The following NDST4 variants were observed in gnomAD, a reference collection of about 807,000 sequenced individuals.
NDST4 encodes N-heparan sulfate sulfotransferase 4.
In NDST4, 63 loss-of-function variants were observed where a neutral mutation model predicts 100.8. The ratio of observed to expected loss-of-function variants is 0.62; its 90% CI spans 0.51 to 0.77. NDST4 has a LOEUF of 0.77. NDST4 is among the 30% of genes least tolerant of loss of function. The pLI is 0.00. For synonymous variants in NDST4, 377 were observed against 361.8 expected, an observed-to-expected ratio of 1.04 and a Z score of -0.48; for missense variants, 943 against 1,018.4, an observed-to-expected ratio of 0.93 and a Z score of 1.01.
intron 2 of NDST4, among the ~76,000 whole-genome samples, chr4:114,982,945 T>G (rs948711734): frequency 2.6e-5 from 4 of 152,166 alleles, no homozygotes; most frequent in Admixed American, 6.5e-5. Context: ...AAGGTACAGC[T>G]CACGTTGTGG....
At chr4:115,078,617 G>A (rs888429281) in intron 1 of NDST4, among the ~76,000 whole-genome samples, 1 of 152,036 alleles carries the variant, frequency 6.6e-6, no homozygotes, top group South Asian at 2.1e-4. Context: ...GTGGTGGGTG[G>A]ATCACGAGGT....
intron 2 of NDST4, among the ~76,000 whole-genome samples, chr4:114,990,954 G>A (rs1727023797): frequency 6.6e-6 from 1 of 151,934 alleles, no homozygotes; most frequent in Non-Finnish European, 1.5e-5. Context: ...TTGCTCTAAG[G>A]CCTGAACACT....
intron 1 of NDST4, among the ~76,000 whole-genome samples, chr4:115,107,192 T>C (rs531520133): frequency 4.8e-4 from 73 of 152,120 alleles, no homozygotes; most frequent in South Asian, 1.7e-3. Flanking sequence ...ATAAATAGCA[T>C]TGAATTTCAG....
intron 1 of NDST4, among the ~76,000 whole-genome samples, chr4:115,112,213 A>C (rs1189828772): frequency 4.0e-5 from 6 of 151,674 alleles, no homozygotes; most frequent in Non-Finnish European, 8.8e-5. Context: ...AAAAAAAAAA[A>C]AACCTTTACA....
At chr4:114,983,598 C>A (rs184665109) in intron 2 of NDST4, among the ~76,000 whole-genome samples, 1 of 152,250 alleles carries the variant, frequency 6.6e-6, no homozygotes, top group African/African-American at 2.4e-5. Context: ...GATTTTACAG[C>A]CTCATAGGCA....
At chr4:115,082,518 T>C (rs1233816292) in intron 1 of NDST4, among the ~76,000 whole-genome samples, 1 of 152,126 alleles carries the variant, frequency 6.6e-6, no homozygotes, top group African/African-American at 2.4e-5. Flanking sequence ...GTTTCTTTGT[T>C]GAAGGTGATC....
At chr4:114,862,172 T>C (rs1461625845) in intron 7 of NDST4, among the ~76,000 whole-genome samples, 1 of 152,168 alleles carries the variant, frequency 6.6e-6, no homozygotes, top group Non-Finnish European at 1.5e-5. Flanking sequence ...TTTGGATATA[T>C]GTTTGAAAAC....
At chr4:114,867,665 C>CAAAAAAAAAAAAAAAAAAAAAGAA in intron 7 of NDST4, among the ~76,000 whole-genome samples, 49 of 79,830 alleles carry the variant, frequency 6.1e-4, no homozygotes, top group Non-Finnish European at 7.9e-4. Context: ...AAAAAAAAAG[C>CAAAAAAAAAAAAAAAAAAAAAGAA]AAAAAAAAAA....
intron 2 of NDST4, among the ~76,000 whole-genome samples, chr4:114,996,091 G>T (rs1438144712): frequency 6.6e-6 from 1 of 151,952 alleles, no homozygotes; most frequent in Non-Finnish European, 1.5e-5. Context: ...ATATGGTTTG[G>T]CTCTGTATCC....
chr4:114,966,470 A>G (rs1045112956), intron 4 of NDST4, among the ~76,000 whole-genome samples: 4 of 150,902 alleles, frequency 2.7e-5, no homozygotes, highest in Non-Finnish European at 4.5e-5. Context: ...CTACTCAGAT[A>G]GATTGTATTT....
At chr4:114,952,065 G>A (rs1726001299) in intron 4 of NDST4, among the ~76,000 whole-genome samples, 1 of 152,122 alleles carries the variant, frequency 6.6e-6, no homozygotes, top group Admixed American at 6.6e-5. Context: ...AAGAATTGGA[G>A]TTCTTATAGT....
intron 2 of NDST4, among the ~76,000 whole-genome samples, chr4:114,986,311 G>A (rs573035514): frequency 1.3e-5 from 2 of 152,156 alleles, no homozygotes; most frequent in African/African-American, 2.4e-5. Context: ...AACACTCCAC[G>A]TGTCTTTGAC....
At chr4:114,880,902 C>T (rs1054022073) in intron 6 of NDST4, among the ~76,000 whole-genome samples, 6 of 151,994 alleles carry the variant, frequency 3.9e-5, no homozygotes, top group Admixed American at 1.3e-4. Context: ...AGAATCTTCA[C>T]GTGAGACAAT....
At chr4:114,896,903 A>G (rs1244536919) in intron 6 of NDST4, among the ~76,000 whole-genome samples, 1 of 152,018 alleles carries the variant, frequency 6.6e-6, no homozygotes, top group Non-Finnish European at 1.5e-5. Flanking sequence ...CTTCCTTATT[A>G]TTATTTCTTA....
chr4:114,896,421 A>G (rs1724713627), intron 6 of NDST4, among the ~76,000 whole-genome samples: 1 of 151,964 alleles, frequency 6.6e-6, no homozygotes, highest in Admixed American at 6.6e-5. Flanking sequence ...CAAGAGATTG[A>G]GACCATCCTG....
intron 3 of NDST4, among the ~76,000 whole-genome samples, chr4:114,972,669 A>G (rs77985638): frequency 1.3e-5 from 2 of 152,076 alleles, no homozygotes; most frequent in African/African-American, 4.8e-5. Flanking sequence ...TATGTCACAT[A>G]TGATGAAAGA....
At chr4:114,839,011 T>C (rs1274616436) in intron 11 of NDST4, among the ~76,000 whole-genome samples, 4 of 152,154 alleles carry the variant, frequency 2.6e-5, no homozygotes, top group African/African-American at 7.2e-5. Context: ...AGTTGTTGTC[T>C]AACTGGCTAT....
intron 6 of NDST4, among the ~76,000 whole-genome samples, chr4:114,886,250 T>C (rs1394903696): frequency 5.3e-5 from 8 of 152,126 alleles, no homozygotes; most frequent in African/African-American, 1.9e-4. Flanking sequence ...AATATAAGAA[T>C]GGTTAGCTGC....
intron 4 of NDST4, among the ~76,000 whole-genome samples, chr4:114,949,130 T>C (rs555270326): frequency 1.3e-5 from 2 of 152,160 alleles, no homozygotes; most frequent in East Asian, 3.9e-4. Context: ...TGAGAGCTAA[T>C]TATGCTATTA....
Sources: gnomAD v4.1 joint callset for allele counts (sites outside exome capture counted in the v4.1 genomes callset) on GRCh38, gnomAD v4.1.1 for gene constraint, MANE v1.5 for transcripts, NCBI Gene and HGNC (gene_info 2026-07-23, HGNC 2026-07-21) for gene names.